The following MBNL3 variants were observed in gnomAD, a reference collection of about 807,000 sequenced individuals.
MBNL3 encodes the protein muscleblind like splicing regulator 3, also known as muscleblind-like protein 3.
MBNL3 carries 6 observed loss-of-function variants against 24.5 expected under a neutral mutation model. The ratio of observed to expected loss-of-function variants is 0.25; its 90% CI spans 0.13 to 0.48. MBNL3 has a LOEUF of 0.48. Ranked by LOEUF, MBNL3 falls within the 20% of genes least tolerant of loss-of-function variation. The pLI is 0.99. For synonymous variants in MBNL3, 100 were observed against 101.7 expected (o/e 0.98, Z 0.10); for missense variants, 230 against 293.5 (o/e 0.78, Z 1.58).
In MBNL3 at chrX:132,375,368, G is replaced by T. The variant is rs1934038064; in HGVS notation, c.*4298C>A. The T allele has an allele frequency of 9.0e-6, 1 of 111,560 alleles. No homozygotes were observed. Among genetic ancestry groups the T allele is most frequent in the African/African-American group, 3.3e-5 (1 of 30,727 alleles). The allele number at this position is 111,560 out of a possible 1,213,427, so 9.2% of individuals were successfully genotyped here. A position where few individuals can be genotyped will look rare whatever the true frequency, so the allele number is the denominator to read the frequency against. ...AATCTGTATCTTGTCATACTTCAGTGTCAGTTCAGAACCTAGCTAGGCGGG... is the reference window on the plus strand; with the variant it reads ...AATCTGTATCTTGTCATACTTCAGTTTCAGTTCAGAACCTAGCTAGGCGGG... On this transcript the variant is annotated 3_prime_UTR_variant, in exon 9 of 9. Coordinates refer to ENST00000370853, the MANE Select transcript of MBNL3 (RefSeq NM_001386889.1).
chrX:132,416,085 CAA>C (rs1251847225), intron 2 of MBNL3, among the ~76,000 whole-genome samples: 1 of 111,260 alleles, frequency 9.0e-6, no homozygotes, highest in Non-Finnish European at 1.9e-5. Context: ...AACAGTATTT[CAA>C]AGAGATGCAC....
intron 1 of MBNL3, among the ~76,000 whole-genome samples, chrX:132,447,231 A>G (rs1037198469): frequency 8.9e-6 from 1 of 111,924 alleles, no homozygotes; most frequent in Non-Finnish European, 1.9e-5. Context: ...TGTCTTGGCT[A>G]TGCGGGTTCT....
chrX:132,486,618 A>G (rs1948023822), intron 1 of MBNL3, among the ~76,000 whole-genome samples: 1 of 112,255 alleles, frequency 8.9e-6, no homozygotes, highest in African/African-American at 3.2e-5. Context: ...AGTGCATAAA[A>G]ATGCCTTCCG....
At chrX:132,412,721 TAC>T (rs1285325185) in intron 2 of MBNL3, among the ~76,000 whole-genome samples, 1 of 112,072 alleles carries the variant, frequency 8.9e-6, no homozygotes, top group Non-Finnish European at 1.9e-5. Flanking sequence ...CCACCCCACT[TAC>T]ACACTTTTTA....
rs777545140 is a variant in MBNL3 at position 132,374,333 on chromosome X, G to A, written c.*5333C>T. 58 of 110,361 alleles carry A rather than the reference G, an allele frequency of 5.3e-4. 1 individual carries two copies. The highest frequency in any genetic ancestry group is 1.9e-3 in the African/African-American group (57 of 30,367). 9.1% of individuals were successfully genotyped at this position (110,361 alleles called of 1,213,427 possible). ...GCACACGTGTGTGTGTGTTTATAGG[G>A]GGGATTAATTTAAAAAGCAAACAAT... On this transcript the variant is annotated 3_prime_UTR_variant, in exon 9 of 9. Transcript: ENST00000370853.
chrX:132,396,279 A>G (rs1938230522), intron 3 of MBNL3, among the ~76,000 whole-genome samples: 1 of 102,239 alleles, frequency 9.8e-6, no homozygotes, highest in African/African-American at 3.5e-5. Context: ...ATTTCAAAAA[A>G]TGAAATTCTC....
chrX:132,463,928 A>G (rs1946762199), intron 1 of MBNL3, among the ~76,000 whole-genome samples: 1 of 112,233 alleles, frequency 8.9e-6, no homozygotes, highest in African/African-American at 3.2e-5. Flanking sequence ...TCCCTAAAAA[A>G]TTTGTCTGCA....
At chrX:132,420,453 G>A (rs990846151) in intron 2 of MBNL3, among the ~76,000 whole-genome samples, 2 of 111,305 alleles carry the variant, frequency 1.8e-5, no homozygotes, top group African/African-American at 6.6e-5. Context: ...TGAAAACAGA[G>A]CTCCCATAAA....
At chrX:132,467,614 G>A (rs904433907) in intron 1 of MBNL3, among the ~76,000 whole-genome samples, 1 of 111,921 alleles carries the variant, frequency 8.9e-6, no homozygotes, top group African/African-American at 3.3e-5. Flanking sequence ...TGTGATCTAA[G>A]TACAATGAGA....
At chrX:132,424,199 A>G (rs1022645836) in intron 2 of MBNL3, among the ~76,000 whole-genome samples, 2 of 112,212 alleles carry the variant, frequency 1.8e-5, no homozygotes, top group African/African-American at 6.5e-5. Flanking sequence ...TGATAAAAGA[A>G]GGCATACTGT....
At position 132,369,743 on chromosome X, in the gene MBNL3, C is replaced by A. The variant is rs1933450476; in HGVS notation, c.*9923G>T. ...AAATAAATCTTTCCTTGTACTTGTA[C>A]ATGCCTGCATTGCATTGCATCACTT... is the stretch of plus-strand genomic sequence containing the variant. On this transcript the variant is annotated 3_prime_UTR_variant, in exon 9 of 9. Coordinates refer to ENST00000370853, the MANE Select transcript of MBNL3 (RefSeq NM_001386889.1). 1 of 111,953 alleles carries A rather than the reference C, an allele frequency of 8.9e-6. No homozygotes were observed. The highest frequency in any genetic ancestry group is 3.3e-5 in the African/African-American group (1 of 30,747). The allele number at this position is 111,953 out of a possible 1,213,427, so 9.2% of individuals were successfully genotyped here.
intron 1 of MBNL3, among the ~76,000 whole-genome samples, chrX:132,488,348 AT>A (rs1948116721): frequency 9.0e-6 from 1 of 111,303 alleles, no homozygotes; most frequent in Admixed American, 9.5e-5. Flanking sequence ...TTTTCTTACC[AT>A]AAAAGCTTAT....
chrX:132,400,499 T>C (rs1455376142), intron 3 of MBNL3, among the ~76,000 whole-genome samples: 3 of 111,934 alleles, frequency 2.7e-5, no homozygotes, highest in Non-Finnish European at 5.6e-5. Flanking sequence ...CTAGGATATG[T>C]GGGGTCTGAA....
chrX:132,402,405 A>G (rs1289820258), intron 3 of MBNL3, among the ~76,000 whole-genome samples: 1 of 112,132 alleles, frequency 8.9e-6, no homozygotes, highest in African/African-American at 3.2e-5. Flanking sequence ...ATCTTTCCTC[A>G]TAACTAAAAT....
At chrX:132,489,236 T>C (rs1002841766), upstream of MBNL3, among the ~76,000 whole-genome samples, 5 of 112,176 alleles carry the variant, frequency 4.5e-5, no homozygotes, top group Admixed American at 4.6e-4. Context: ...CCCTTCGTGC[T>C]TTTTGCAAGA....
At chrX:132,413,395 C>G (rs2148330966) in intron 2 of MBNL3, 1 of 822,461 alleles carries the variant, frequency 1.2e-6, no homozygotes, top group East Asian at 3.5e-5. Context: ...AATATGTTAT[C>G]TGGCAGCCCT....
At chrX:132,423,364 AG>A (rs746080129) in intron 2 of MBNL3, among the ~76,000 whole-genome samples, 14 of 111,383 alleles carry the variant, frequency 1.3e-4, no homozygotes, top group African/African-American at 3.6e-4. Context: ...ACTGCCCCTC[AG>A]CTCTCCAATA....
chrX:132,397,097 A>C (rs1404264128), intron 3 of MBNL3, among the ~76,000 whole-genome samples: 1 of 104,440 alleles, frequency 9.6e-6, no homozygotes, highest in Non-Finnish European at 2.0e-5. Context: ...AGTTACTAAT[A>C]TTAGGATTAG....
At chrX:132,479,392 G>A (rs1212756461) in intron 1 of MBNL3, among the ~76,000 whole-genome samples, 1 of 112,146 alleles carries the variant, frequency 8.9e-6, no homozygotes, top group Non-Finnish European at 1.9e-5. Flanking sequence ...AATCGAATAC[G>A]GTCTTTCATC....
Sources: allele counts gnomAD v4.1 joint callset (sites outside exome capture counted in the v4.1 genomes callset), GRCh38; gene constraint gnomAD v4.1.1; transcripts MANE v1.5; gene names NCBI Gene and HGNC (gene_info 2026-07-23, HGNC 2026-07-21).